The following SULT1C3 variants were observed in gnomAD, a reference collection of about 807,000 sequenced individuals.
SULT1C3 encodes sulfotransferase family 1C member 3, also known as sulfotransferase 1C3.
SULT1C3 carries 31 observed loss-of-function variants against 28.4 expected under a neutral mutation model. That is an observed-to-expected ratio of 1.09 (90% CI 0.82 to 1.47). SULT1C3 has a LOEUF of 1.47. SULT1C3 is among the 40% of genes most tolerant of loss of function. The pLI, the probability that SULT1C3 is intolerant of heterozygous loss-of-function variation, is 0.00. For missense variants in SULT1C3, 307 were observed against 272.5 expected, an observed-to-expected ratio of 1.13 and a Z score of -0.89; for synonymous variants, 106 against 92.2, an observed-to-expected ratio of 1.15 and a Z score of -0.86.
intron 2 of SULT1C3, 74 bp from the exon 3 acceptor site, chr2:108,252,288 CTTT>C (rs1183986552): frequency 7.0e-7 from 1 of 1,426,924 alleles, no homozygotes; most frequent in African/African-American, 1.4e-5. Flanking sequence ...ATGTTGCTGT[CTTT>C]CTTCAAAATA....
intron 1 of SULT1C3, among the ~76,000 whole-genome samples, chr2:108,240,482 T>C (rs1370318481): frequency 6.6e-6 from 1 of 152,194 alleles, no homozygotes. Flanking sequence ...TACCAAGATA[T>C]AGAATTTCCC....
At chr2:108,249,652 G>A (rs931527246) in intron 2 of SULT1C3, among the ~76,000 whole-genome samples, 22 of 152,010 alleles carry the variant, frequency 1.4e-4, no homozygotes, top group Middle Eastern at 3.4e-3. Context: ...CCCTATCTAC[G>A]GATCAAAAGG....
chr2:108,247,023 G>A (rs1675598240), intron 1 of SULT1C3, among the ~76,000 whole-genome samples, 165 bp from the exon 2 acceptor site: 1 of 152,146 alleles, frequency 6.6e-6, no homozygotes, highest in African/African-American at 2.4e-5. Context: ...TTGCTATGAA[G>A]ATTAAATAAT....
intron 2 of SULT1C3, among the ~76,000 whole-genome samples, chr2:108,248,654 G>C (rs1034958778): frequency 6.6e-6 from 1 of 152,018 alleles, no homozygotes. Context: ...ATCAGGCAAG[G>C]AACCACCAGA....
chr2:108,253,326 A>G lies in SULT1C3; in HGVS notation c.302-19A>G, dbSNP rs545030165. The G allele has an allele frequency of 2.0e-6, 3 of 1,472,392 alleles. No homozygotes were observed. The highest frequency in any genetic ancestry group is 2.2e-5 in the Admixed American group (1 of 44,470). 91.2% of individuals were successfully genotyped at this position (1,472,392 alleles called of 1,614,324 possible). ...AGAGTGCCAAGAATAAACAAAGAAT[A>G]TAAATTGTTTCTTGCTAGATTTGGA... is the stretch of plus-strand genomic sequence containing the variant. On this transcript the variant is annotated intron_variant, in intron 3 of 7. Transcript: ENST00000681802.
intron 1 of SULT1C3, 125 bp from the exon 2 acceptor site, chr2:108,247,063 T>A: frequency 4.8e-6 from 3 of 627,006 alleles, no homozygotes; most frequent in Non-Finnish European, 4.7e-6. Flanking sequence ...TGTTAGCATG[T>A]TATATGTTAG....
intron 5 of SULT1C3, among the ~76,000 whole-genome samples, chr2:108,256,077 T>C (rs1011931976): frequency 6.6e-6 from 1 of 151,932 alleles, no homozygotes; most frequent in African/African-American, 2.4e-5. Flanking sequence ...CACGTATAGT[T>C]ACAAAAGTCA....
chr2:108,255,435 T>G, intron 4 of SULT1C3, 137 bp from the exon 5 acceptor site: 6 of 1,041,880 alleles, frequency 5.8e-6, no homozygotes, highest in Non-Finnish European at 8.1e-6. Flanking sequence ...ATTTATTTAA[T>G]GTTTTAATTC....
downstream of SULT1C3, chr2:108,264,747 C>A: frequency 7.1e-7 from 1 of 1,413,844 alleles, no homozygotes; most frequent in South Asian, 1.4e-5. Context: ...CATTTCTCTC[C>A]AAATACTGTC....
rs533198588 is a variant in SULT1C3, at chr2:108,260,769, G to A, written c.*89G>A. On this transcript the variant is annotated 3_prime_UTR_variant, in exon 8 of 8. Transcript: ENST00000681802. ...GCAAGGAACTGTGACTGAATGTGGA[G>A]CTTATGAGCTTCAGTCCATCTCCTA... 10 of 412,110 alleles carry A rather than the reference G, an allele frequency of 2.4e-5. No individual in the cohort carries two copies. Among genetic ancestry groups the A allele is most frequent in the African/African-American group, 1.8e-4 (9 of 48,910 alleles). 25.5% of individuals were successfully genotyped at this position (412,110 alleles called of 1,614,324 possible).
At chr2:108,264,396 G>GAGAA (rs1676085862), downstream of SULT1C3, among the ~76,000 whole-genome samples, 2 of 152,028 alleles carry the variant, frequency 1.3e-5, no homozygotes, top group Non-Finnish European at 2.9e-5. Flanking sequence ...GGTTCTTTTT[G>GAGAA]CCATCTGTTG....
intron 1 of SULT1C3, 40 bp from the exon 2 acceptor site, chr2:108,247,148 T>G (rs1675602688): frequency 7.3e-7 from 1 of 1,375,236 alleles, no homozygotes; most frequent in East Asian, 2.6e-5. Flanking sequence ...AAAACAACAT[T>G]TTTAAAAATT....
intron 2 of SULT1C3, 91 bp downstream of exon 2, chr2:108,247,457 G>A (rs764285569): frequency 1.6e-5 from 20 of 1,227,878 alleles, no homozygotes; most frequent in South Asian, 2.2e-5. Flanking sequence ...TTGGGATTTG[G>A]AGAGAAACAA....
At chr2:108,242,217 T>C (rs532240965) in intron 1 of SULT1C3, among the ~76,000 whole-genome samples, 1 of 152,340 alleles carries the variant, frequency 6.6e-6, no homozygotes, top group African/African-American at 2.4e-5. Flanking sequence ...TAAAGCCATG[T>C]GAACTAAAAA....
At chr2:108,244,976 A>T (rs1675543423) in intron 1 of SULT1C3, among the ~76,000 whole-genome samples, 1 of 152,044 alleles carries the variant, frequency 6.6e-6, no homozygotes, top group Non-Finnish European at 1.5e-5. Flanking sequence ...TTCAAAATAC[A>T]CTCCAGGGGA....
chr2:108,247,408 G>C, intron 2 of SULT1C3, 42 bp downstream of exon 2: 3 of 1,448,820 alleles, frequency 2.1e-6, no homozygotes, highest in Non-Finnish European at 2.8e-6. Context: ...ATTTTCACGT[G>C]AAATTATTGC....
At chr2:108,245,330 G>GA (rs1247933016) in intron 1 of SULT1C3, among the ~76,000 whole-genome samples, 6 of 152,038 alleles carry the variant, frequency 3.9e-5, no homozygotes, top group Non-Finnish European at 8.8e-5. Flanking sequence ...TGAATTTCAA[G>GA]AAAAATCACA....
intron 5 of SULT1C3, among the ~76,000 whole-genome samples, chr2:108,257,229 C>T (rs1297303911): frequency 6.6e-6 from 1 of 151,858 alleles, no homozygotes; most frequent in African/African-American, 2.4e-5. Flanking sequence ...AGAAAAAAAA[C>T]TCAGGTTTCC....
chr2:108,252,441 T>G lies in SULT1C3; in HGVS notation c.249T>G (p.Thr83=), dbSNP rs765105470. ...TGGAGAAATGCAAAAGAGCCCAGACTCTAGATAGACACGCTTTCCTTGAAC... is the reference window on the plus strand; with the variant it reads ...TGGAGAAATGCAAAAGAGCCCAGACGCTAGATAGACACGCTTTCCTTGAAC... ...GDVEKCKRAQ[T]LDRHAFLELK... Residue 83 remains threonine (T), a synonymous_variant, in exon 3 of 8, where the codon ACT becomes ACG. Coordinates refer to ENST00000681802, the MANE Select transcript of SULT1C3 (RefSeq NM_001320878.2). 1.3e-5 allele frequency: 21 copies of G among 1,612,404 alleles called. No homozygotes were observed. The South Asian group carries it at 2.3e-4, about 18-fold the overall frequency.
Sources: allele counts gnomAD v4.1 joint callset (sites outside exome capture counted in the v4.1 genomes callset), GRCh38; gene constraint gnomAD v4.1.1; transcripts MANE v1.5; gene names NCBI Gene and HGNC (gene_info 2026-07-23, HGNC 2026-07-21).